PCDH15: variants seen among roughly 807,000 people sequenced by gnomAD.
The protein encoded by PCDH15 is protocadherin-15.
Under a neutral mutation model 178.5 loss-of-function variants are expected in PCDH15, and 129 were observed. The observed-to-expected ratio is 0.72, with a 90% CI of 0.63 to 0.84. The LOEUF is 0.84. PCDH15 is among the 40% of genes least tolerant of loss of function. The pLI, the probability that PCDH15 is intolerant of heterozygous loss-of-function variation, is 0.00. For missense variants in PCDH15, 2,230 were observed against 2,099.9 expected (o/e 1.06, Z -1.21); for synonymous variants, 800 against 732.0 (o/e 1.09, Z -1.50).
At position 54,527,933 on chromosome 10, in the gene PCDH15, G is replaced by GA. The variant is rs1276165774; in HGVS notation, c.92-57dup. ...TTGACTGCAGGGGCACACACAATGA[G>GA]AAAAAAATTCATTGAGATGTATATT... On this transcript the variant is annotated intron_variant, in intron 2 of 37. Transcript: ENST00000644397. 2.0e-5 allele frequency: 27 copies of GA among 1,359,016 alleles called. No homozygotes were observed. In the African/African-American group the frequency reaches 2.5e-4, roughly 12 times the overall value. The allele number at this position is 1,359,016 out of a possible 1,614,324, so 84.2% of individuals were successfully genotyped here.
intron 30 of PCDH15, among the ~76,000 whole-genome samples, chr10:53,829,925 A>G (rs1166912026): frequency 6.6e-6 from 1 of 152,082 alleles, no homozygotes; most frequent in Admixed American, 6.5e-5. Flanking sequence ...ATACATTTGG[A>G]TTTTCAGGTT....
chr10:53,969,553 T>C (rs1461659930), intron 21 of PCDH15, among the ~76,000 whole-genome samples: 3 of 152,136 alleles, frequency 2.0e-5, no homozygotes, highest in Admixed American at 6.6e-5. Context: ...AGGCACATGA[T>C]TGTCAGATTC....
At chr10:54,403,878 A>AAC (rs1295126734) in intron 3 of PCDH15, among the ~76,000 whole-genome samples, 1 of 148,858 alleles carries the variant, frequency 6.7e-6, no homozygotes, top group African/African-American at 2.5e-5. Flanking sequence ...CACACACACA[A>AAC]ACACACACAC....
intron 3 of PCDH15, among the ~76,000 whole-genome samples, chr10:54,517,705 G>A (rs1287439708): frequency 6.6e-6 from 1 of 152,128 alleles, no homozygotes; most frequent in Non-Finnish European, 1.5e-5. Flanking sequence ...TCTGCACCAA[G>A]AGGACCTAAT....
intron 2 of PCDH15, among the ~76,000 whole-genome samples, chr10:54,536,628 AAT>A (rs1372215022): frequency 7.9e-5 from 12 of 152,250 alleles, no homozygotes; most frequent in African/African-American, 2.9e-4. Flanking sequence ...TTGTTTTTTA[AAT>A]ACTTGTCCCT....
intron 1 of PCDH15, among the ~76,000 whole-genome samples, chr10:54,712,621 T>C (rs980865079): frequency 1.3e-5 from 2 of 151,896 alleles, no homozygotes; most frequent in South Asian, 2.1e-4. Context: ...AAAAGTGTAG[T>C]TGGGGCTTTG....
intron 15 of PCDH15, among the ~76,000 whole-genome samples, chr10:54,117,302 T>A (rs1433107259): frequency 6.6e-6 from 1 of 151,956 alleles, no homozygotes; most frequent in Non-Finnish European, 1.5e-5. Flanking sequence ...AAGCCTGTGG[T>A]TGGACCAGAT....
chr10:55,370,921 T>C (rs1845493214), intron 2 of PCDH15, among the ~76,000 whole-genome samples: 1 of 152,142 alleles, frequency 6.6e-6, no homozygotes, highest in African/African-American at 2.4e-5. Context: ...AATCAGGTCC[T>C]GACAAATGGC....
At chr10:53,964,616 G>C (rs971394008) in intron 21 of PCDH15, among the ~76,000 whole-genome samples, 1 of 151,950 alleles carries the variant, frequency 6.6e-6, no homozygotes, top group African/African-American at 2.4e-5. Context: ...TATATTTGAA[G>C]GTTTGGGAAA....
intron 8 of PCDH15, 40 bp from the exon 9 acceptor site, chr10:54,236,971 C>T (rs1178397524): frequency 5.5e-6 from 8 of 1,462,210 alleles, no homozygotes; most frequent in Middle Eastern, 1.7e-4. Flanking sequence ...AGCCGCATTA[C>T]TAATACTTCA....
At chr10:54,849,284 T>C (rs1293561292) in intron 3 of PCDH15, among the ~76,000 whole-genome samples, 1 of 152,210 alleles carries the variant, frequency 6.6e-6, no homozygotes, top group African/African-American at 2.4e-5. Flanking sequence ...TTCTTCTGCT[T>C]ACTACTGAGC....
chr10:55,602,294 G>T (rs945301743), intron 2 of PCDH15, among the ~76,000 whole-genome samples: 1 of 152,088 alleles, frequency 6.6e-6, no homozygotes, highest in Non-Finnish European at 1.5e-5. Context: ...ACTGCAAGGC[G>T]GCAGCGAGGC....
At chr10:54,553,866 C>T (rs536650081) in intron 2 of PCDH15, among the ~76,000 whole-genome samples, 3 of 152,252 alleles carry the variant, frequency 2.0e-5, no homozygotes, top group Non-Finnish European at 4.4e-5. Flanking sequence ...GCAACACTTT[C>T]TACTGCTTGT....
At chr10:55,349,417 A>T (rs1232992534) in intron 2 of PCDH15, among the ~76,000 whole-genome samples, 1 of 152,156 alleles carries the variant, frequency 6.6e-6, no homozygotes, top group Non-Finnish European at 1.5e-5. Flanking sequence ...ATCTATTCAC[A>T]TCCTGTATCT....
intron 2 of PCDH15, among the ~76,000 whole-genome samples, chr10:54,952,148 G>A (rs979971281): frequency 6.6e-6 from 1 of 151,848 alleles, no homozygotes; most frequent in Admixed American, 6.6e-5. Context: ...ATAGTTTTAA[G>A]TTTTACATTG....
chr10:54,202,913 G>A (rs2050401267), intron 10 of PCDH15, among the ~76,000 whole-genome samples: 1 of 151,714 alleles, frequency 6.6e-6, no homozygotes, highest in South Asian at 2.1e-4. Flanking sequence ...TTATCAAACT[G>A]TCTGTGGTGG....
chr10:55,295,825 T>A (rs1234105510), intron 1 of PCDH15, among the ~76,000 whole-genome samples: 1 of 152,088 alleles, frequency 6.6e-6, no homozygotes, highest in Non-Finnish European at 1.5e-5. Flanking sequence ...TGTCTGACAC[T>A]AATTACCTAG....
intron 2 of PCDH15, chr10:54,528,331 AAGAC>A (rs1215626851): frequency 6.1e-6 from 9 of 1,478,280 alleles, no homozygotes; most frequent in African/African-American, 4.2e-5. Flanking sequence ...GAATAAAACA[AAGAC>A]AGACAAGCAA....
chr10:53,852,563 T>C (rs1589098456), intron 28 of PCDH15, among the ~76,000 whole-genome samples: 1 of 152,106 alleles, frequency 6.6e-6, no homozygotes, highest in Non-Finnish European at 1.5e-5. Flanking sequence ...GCAGCTAAGA[T>C]TTATTACAAG....
Sources: allele counts gnomAD v4.1 joint callset (sites outside exome capture counted in the v4.1 genomes callset), GRCh38; gene constraint gnomAD v4.1.1; transcripts MANE v1.5; gene names NCBI Gene and HGNC (gene_info 2026-07-23, HGNC 2026-07-21).